The following ERBB4 variants were observed in gnomAD, a reference collection of about 807,000 sequenced individuals.
ERBB4 encodes erb-b2 receptor tyrosine kinase 4, also known as receptor tyrosine-protein kinase erbB-4.
ERBB4 carries 42 observed loss-of-function variants against 158.0 expected under a neutral mutation model. That is an observed-to-expected ratio of 0.27 (90% CI 0.21 to 0.34). The LOEUF (loss-of-function observed/expected upper bound fraction) is 0.34, where lower values mean the gene tolerates loss of function less well. ERBB4 is among the 10% of genes least tolerant of loss of function. The pLI, the probability that ERBB4 is intolerant of heterozygous loss-of-function variation, is 1.00. For missense variants in ERBB4, 1,333 were observed against 1,624.1 expected (o/e 0.82, Z 3.08); for synonymous variants, 583 against 558.7 (o/e 1.04, Z -0.61).
intron 25 of ERBB4, among the ~76,000 whole-genome samples, chr2:211,418,813 T>C (rs2063451252): frequency 6.6e-6 from 1 of 152,092 alleles, no homozygotes; most frequent in Admixed American, 6.6e-5. Context: ...TTAACCGCTT[T>C]CTTCCCCTCT....
At chr2:211,422,982 T>TA (rs898591704) in intron 23 of ERBB4, among the ~76,000 whole-genome samples, 15 of 151,982 alleles carry the variant, frequency 9.9e-5, no homozygotes, top group African/African-American at 3.1e-4. Context: ...GTTCAGTTTT[T>TA]ATTCCTATTC....
rs112150321 is a variant in ERBB4, at chr2:212,427,398, C to G, written c.82+111051G>C. Among the ~76,000 whole-genome samples, 14 of 152,186 alleles carry G rather than the reference C, an allele frequency of 9.2e-5. No individual in the cohort carries two copies. The East Asian group carries it at 2.7e-3, about 29-fold the overall frequency. ...CACCAATCATTATGCTAGTTTTAAACGTTATCCCCTTTCTCTACTGTATAT... is the reference window on the plus strand; with the variant it reads ...CACCAATCATTATGCTAGTTTTAAAGGTTATCCCCTTTCTCTACTGTATAT... On this transcript the variant is annotated intron_variant, in intron 1 of 27. Transcript: ENST00000342788.
chr2:212,228,144 T>C (rs921702228), intron 1 of ERBB4, among the ~76,000 whole-genome samples: 5 of 152,214 alleles, frequency 3.3e-5, no homozygotes, highest in African/African-American at 1.2e-4. Flanking sequence ...GATTTCTATA[T>C]ATAAAGCTAG....
chr2:212,074,530 T>A (rs898106483), intron 2 of ERBB4, among the ~76,000 whole-genome samples: 1 of 151,962 alleles, frequency 6.6e-6, no homozygotes, highest in Non-Finnish European at 1.5e-5. Context: ...AATACTATTT[T>A]AAAAAATATA....
At chr2:212,374,151 C>T (rs1454745517) in intron 1 of ERBB4, among the ~76,000 whole-genome samples, 2 of 148,284 alleles carry the variant, frequency 1.3e-5, no homozygotes, top group East Asian at 2.0e-4. Flanking sequence ...CATGTAATTA[C>T]TGCAAACACG....
At chr2:212,063,335 A>G (rs1264298923) in intron 2 of ERBB4, among the ~76,000 whole-genome samples, 6 of 152,132 alleles carry the variant, frequency 3.9e-5, no homozygotes, top group Non-Finnish European at 8.8e-5. Context: ...TGTGTATATC[A>G]TATAAACTCA....
At position 211,580,799 on chromosome 2, in the gene ERBB4, TATA is replaced by T. The variant is rs2068048771; in HGVS notation, c.2302-18714_2302-18712del. On this transcript the variant is annotated intron_variant, in intron 19 of 27. Coordinates refer to ENST00000342788, the MANE Select transcript of ERBB4 (RefSeq NM_005235.3). Reference sequence around the variant, plus strand: ...ATAAAGAAATTGTGATATATATATATATATATATATATAATATATATATATTAT... The same window carrying T: ...ATAAAGAAATTGTGATATATATATATTATATATATAATATATATATATTAT... Among the ~76,000 whole-genome samples, 3 of 17,318 alleles carry T rather than the reference TATA, an allele frequency of 1.7e-4. No homozygotes were observed. In the African/African-American group the frequency reaches 1.8e-3, roughly 10 times the overall value. The allele number at this position is 17,318 out of a possible 152,430, so 11.4% of individuals were successfully genotyped here.
chr2:211,905,588 T>C (rs888707459), intron 3 of ERBB4, among the ~76,000 whole-genome samples: 12 of 147,292 alleles, frequency 8.1e-5, no homozygotes, highest in African/African-American at 2.7e-4. Flanking sequence ...TAAGTATCTG[T>C]ATAAATACAT....
At chr2:212,477,900 A>G (rs888156681) in intron 1 of ERBB4, among the ~76,000 whole-genome samples, 1 of 152,118 alleles carries the variant, frequency 6.6e-6, no homozygotes, top group African/African-American at 2.4e-5. Flanking sequence ...CTCTCTTGCA[A>G]TGTGTGAAAA....
intron 1 of ERBB4, among the ~76,000 whole-genome samples, chr2:212,465,161 T>A (rs1688769064): frequency 6.6e-6 from 1 of 152,166 alleles, no homozygotes; most frequent in South Asian, 2.1e-4. Flanking sequence ...AGCATTTATA[T>A]AATTCTCTCT....
chr2:211,546,845 C>T (rs1282899969), intron 20 of ERBB4, among the ~76,000 whole-genome samples: 1 of 152,024 alleles, frequency 6.6e-6, no homozygotes, highest in Non-Finnish European at 1.5e-5. Flanking sequence ...GCGTGCAAAA[C>T]ACAAACGTTC....
chr2:211,505,655 C>T (rs952342974), intron 20 of ERBB4, among the ~76,000 whole-genome samples: 4 of 152,098 alleles, frequency 2.6e-5, no homozygotes, highest in African/African-American at 9.7e-5. Flanking sequence ...AGCCTAAATG[C>T]TTCACTTAAA....
At chr2:211,407,475 T>C (rs1210848786) in intron 25 of ERBB4, among the ~76,000 whole-genome samples, 2 of 152,216 alleles carry the variant, frequency 1.3e-5, no homozygotes, top group African/African-American at 4.8e-5. Flanking sequence ...TGCTAAACAA[T>C]TGTCTATGAT....
chr2:212,064,686 G>C, intron 2 of ERBB4, among the ~76,000 whole-genome samples: 1 of 151,988 alleles, frequency 6.6e-6, no homozygotes, highest in South Asian at 2.1e-4. Context: ...TCGCAAACTA[G>C]AGAACAAAAG....
intron 1 of ERBB4, among the ~76,000 whole-genome samples, chr2:212,333,386 T>TAC: frequency 6.6e-6 from 1 of 151,178 alleles, no homozygotes; most frequent in South Asian, 2.1e-4. Context: ...TAAATATATA[T>TAC]ATATATTTCA....
intron 19 of ERBB4, among the ~76,000 whole-genome samples, chr2:211,585,292 T>C (rs1483468226): frequency 2.0e-5 from 3 of 148,304 alleles, no homozygotes; most frequent in Non-Finnish European, 4.4e-5. Flanking sequence ...GCGGAGCTTG[T>C]AGTGAGCGGA....
intron 1 of ERBB4, among the ~76,000 whole-genome samples, chr2:212,365,349 A>G (rs1665903826): frequency 6.6e-6 from 1 of 151,796 alleles, no homozygotes; most frequent in African/African-American, 2.4e-5. Flanking sequence ...ATTTAGAAGA[A>G]AAATAAGAAT....
chr2:211,425,368 G>C (rs1057472425), intron 22 of ERBB4, among the ~76,000 whole-genome samples: 2,129 of 120,222 alleles, frequency 0.018, 54 homozygotes, highest in African/African-American at 0.12. Context: ...ATAAAACTAT[G>C]TGGAATTTAA....
intron 1 of ERBB4, among the ~76,000 whole-genome samples, chr2:212,492,586 A>G (rs76274571): frequency 0.014 from 2,188 of 151,606 alleles, 49 homozygotes; most frequent in African/African-American, 0.05. Context: ...ATGATAAATC[A>G]TAAGCAAAAT....
Sources: gnomAD v4.1 joint callset for allele counts (sites outside exome capture counted in the v4.1 genomes callset) on GRCh38, gnomAD v4.1.1 for gene constraint, MANE v1.5 for transcripts, NCBI Gene and HGNC (gene_info 2026-07-23, HGNC 2026-07-21) for gene names.